NXPH2: variants seen among roughly 807,000 people sequenced by gnomAD.
NXPH2 encodes the protein neurexophilin 2.
In NXPH2, 5 loss-of-function variants were observed where a neutral mutation model predicts 19.8. The ratio of observed to expected loss-of-function variants is 0.25; its 90% CI spans 0.13 to 0.53. The LOEUF (loss-of-function observed/expected upper bound fraction) is 0.53, where lower values mean the gene tolerates loss of function less well. Ranked by LOEUF, NXPH2 falls within the 20% of genes least tolerant of loss-of-function variation. The pLI is 0.96. For synonymous variants in NXPH2, 154 were observed against 127.4 expected (o/e 1.21, Z -1.41); for missense variants, 289 against 322.8 (o/e 0.90, Z 0.80).
At chr2:138,759,729 CTTT>C (rs772878668) in intron 1 of NXPH2, among the ~76,000 whole-genome samples, 1 of 126,550 alleles carries the variant, frequency 7.9e-6, no homozygotes. Context: ...CCTATGCCAC[CTTT>C]TTTTTTTTTT....
At chr2:138,758,009 G>C (rs531787891) in intron 1 of NXPH2, among the ~76,000 whole-genome samples, 58 of 152,248 alleles carry the variant, frequency 3.8e-4, no homozygotes, top group African/African-American at 1.4e-3. Flanking sequence ...CTGAGAATGA[G>C]AGATGGGGAA....
chr2:138,716,880 AG>A (rs1681203289), intron 1 of NXPH2, among the ~76,000 whole-genome samples: 1 of 152,208 alleles, frequency 6.6e-6, no homozygotes, highest in South Asian at 2.1e-4. Flanking sequence ...TTAAAATTGA[AG>A]GGCAATTGGT....
intron 1 of NXPH2, among the ~76,000 whole-genome samples, chr2:138,740,012 G>T (rs1336952570): frequency 6.6e-6 from 1 of 152,122 alleles, no homozygotes; most frequent in Non-Finnish European, 1.5e-5. Context: ...CTCTATCTCT[G>T]CTCTCTATAA....
intron 1 of NXPH2, among the ~76,000 whole-genome samples, chr2:138,708,411 G>A (rs1681049937): frequency 6.6e-6 from 1 of 152,186 alleles, no homozygotes; most frequent in Non-Finnish European, 1.5e-5. Context: ...GGACTGTATT[G>A]ATTGCCTAAA....
intron 1 of NXPH2, among the ~76,000 whole-genome samples, chr2:138,685,673 T>C (rs1680638702): frequency 6.6e-6 from 1 of 152,222 alleles, no homozygotes; most frequent in Non-Finnish European, 1.5e-5. Context: ...TTGAATATCT[T>C]ATGTAATTTA....
At chr2:138,684,057 A>C (rs560202054) in intron 1 of NXPH2, among the ~76,000 whole-genome samples, 2 of 152,362 alleles carry the variant, frequency 1.3e-5, no homozygotes, top group African/African-American at 4.8e-5. Flanking sequence ...TTGTGTTAAA[A>C]GTATTTTTGC....
At chr2:138,739,966 G>A (rs1243796736) in intron 1 of NXPH2, among the ~76,000 whole-genome samples, 1 of 152,158 alleles carries the variant, frequency 6.6e-6, no homozygotes, top group Non-Finnish European at 1.5e-5. Flanking sequence ...ACTTTGAATT[G>A]TTCCCATAAT....
intron 1 of NXPH2, among the ~76,000 whole-genome samples, chr2:138,753,481 T>A (rs527507155): frequency 6.6e-6 from 1 of 152,298 alleles, no homozygotes; most frequent in South Asian, 2.1e-4. Flanking sequence ...AAAAATGGTA[T>A]TAGAAACCAA....
chr2:138,703,515 G>T (rs961627494), intron 1 of NXPH2, among the ~76,000 whole-genome samples: 9 of 152,142 alleles, frequency 5.9e-5, no homozygotes, highest in African/African-American at 2.2e-4. Flanking sequence ...CATCCTGGGG[G>T]TCATTATCCA....
chr2:138,762,223 T>C (rs1263896093), intron 1 of NXPH2, among the ~76,000 whole-genome samples: 2 of 152,214 alleles, frequency 1.3e-5, no homozygotes, highest in African/African-American at 4.8e-5. Context: ...CTTGAGGTCA[T>C]AGGCATCCAC....
At chr2:138,751,773 T>C (rs1032881445) in intron 1 of NXPH2, among the ~76,000 whole-genome samples, 13 of 152,260 alleles carry the variant, frequency 8.5e-5, no homozygotes, top group Non-Finnish European at 1.8e-4. Context: ...ATAATTCTGT[T>C]TAGATTTTTT....
At chr2:138,729,170 C>T (rs749187251) in intron 1 of NXPH2, among the ~76,000 whole-genome samples, 1 of 152,276 alleles carries the variant, frequency 6.6e-6, no homozygotes, top group South Asian at 2.1e-4. Flanking sequence ...GTGTCCCCAC[C>T]CAAATCTCAT....
intron 1 of NXPH2, among the ~76,000 whole-genome samples, chr2:138,779,331 T>C (rs1156997253): frequency 6.6e-6 from 1 of 152,166 alleles, no homozygotes; most frequent in Non-Finnish European, 1.5e-5. Flanking sequence ...TTCTTGAAGA[T>C]CTTACTTTGG....
intron 1 of NXPH2, among the ~76,000 whole-genome samples, chr2:138,692,788 T>G (rs915989579): frequency 4.6e-5 from 7 of 152,144 alleles, no homozygotes; most frequent in African/African-American, 1.7e-4. Flanking sequence ...ATTACATAAA[T>G]AGCAGAGGAT....
At chr2:138,700,998 C>T (rs1419691290) in intron 1 of NXPH2, among the ~76,000 whole-genome samples, 3 of 151,996 alleles carry the variant, frequency 2.0e-5, no homozygotes, top group African/African-American at 7.3e-5. Context: ...GCGACAAAGG[C>T]AGGCAGGAAG....
At chr2:138,737,545 C>A (rs1351618173) in intron 1 of NXPH2, among the ~76,000 whole-genome samples, 2 of 152,186 alleles carry the variant, frequency 1.3e-5, no homozygotes, top group Non-Finnish European at 1.5e-5. Context: ...CACAGCCTAA[C>A]CAAAGAAGGT....
chr2:138,701,659 T>C (rs1379950132), intron 1 of NXPH2, among the ~76,000 whole-genome samples: 1 of 152,214 alleles, frequency 6.6e-6, no homozygotes, highest in Non-Finnish European at 1.5e-5. Flanking sequence ...GGTTGTCTAA[T>C]TACTTACTCT....
chr2:138,753,391 C>T (rs1681853932), intron 1 of NXPH2, among the ~76,000 whole-genome samples: 1 of 152,042 alleles, frequency 6.6e-6, no homozygotes, highest in Non-Finnish European at 1.5e-5. Context: ...ACAAGACACT[C>T]TAGGACCATG....
intron 1 of NXPH2, among the ~76,000 whole-genome samples, chr2:138,773,978 T>A (rs1051459475): frequency 6.6e-6 from 1 of 152,208 alleles, no homozygotes; most frequent in Admixed American, 6.5e-5. Context: ...GTTTGTTTTA[T>A]TTTTAAAATT....
Sources: allele counts gnomAD v4.1 joint callset (sites outside exome capture counted in the v4.1 genomes callset), GRCh38; gene constraint gnomAD v4.1.1; transcripts MANE v1.5; gene names NCBI Gene and HGNC (gene_info 2026-07-23, HGNC 2026-07-21).